CLVS1: variants seen among roughly 807,000 people sequenced by gnomAD.
CLVS1 encodes clavesin 1, also known as clavesin-1.
In CLVS1, 10 loss-of-function variants were observed where a neutral mutation model predicts 33.1. That is an observed-to-expected ratio of 0.30 (90% confidence interval 0.19 to 0.51). The LOEUF is 0.51. CLVS1 is among the 20% of genes least tolerant of loss of function. CLVS1 has a pLI of 0.97. For synonymous variants in CLVS1, 163 were observed against 166.1 expected, an observed-to-expected ratio of 0.98 and a Z score of 0.14; for missense variants, 343 against 433.4, an observed-to-expected ratio of 0.79 and a Z score of 1.85.
chr8:61,121,172 A>G (rs1805858421), intron 1 of CLVS1, among the ~76,000 whole-genome samples: 1 of 151,776 alleles, frequency 6.6e-6, no homozygotes, highest in South Asian at 2.1e-4. Flanking sequence ...TTGACTCGGA[A>G]AGGGAACTCC....
At chr8:61,300,455 G>A in intron 2 of CLVS1, 173 bp downstream of exon 2, 1 of 582,178 alleles carries the variant, frequency 1.7e-6, no homozygotes, top group Non-Finnish European at 3.0e-6. Flanking sequence ...ATTCCAGATG[G>A]AACAATAGAA....
At chr8:61,299,054 A>G (rs909458983) in intron 1 of CLVS1, among the ~76,000 whole-genome samples, 8 of 152,122 alleles carry the variant, frequency 5.3e-5, no homozygotes, top group Admixed American at 2.0e-4. Context: ...GAATTTGATT[A>G]TTGGAGGTCA....
chr8:61,045,946 C>A, the CLVS1 span, among the ~76,000 whole-genome samples: 2 of 152,184 alleles, frequency 1.3e-5, no homozygotes, highest in Non-Finnish European at 2.9e-5. Flanking sequence ...GTTGCCTGTA[C>A]ACTCTGATGG....
chr8:61,256,257 G>C (rs1047285822), intron 2 of CLVS1, among the ~76,000 whole-genome samples: 7 of 152,228 alleles, frequency 4.6e-5, no homozygotes, highest in African/African-American at 1.4e-4. Flanking sequence ...GCTCACGCCT[G>C]TAATCCCAGC....
At chr8:61,288,233 C>G (rs1362515540) in intron 1 of CLVS1, 95 bp downstream of exon 1, 3 of 456,276 alleles carry the variant, frequency 6.6e-6, no homozygotes, top group Non-Finnish European at 1.3e-5. Context: ...TTCAGCACTT[C>G]GGTATGTGGA....
chr8:61,232,472 G>C (rs1404736960), intron 2 of CLVS1, among the ~76,000 whole-genome samples: 1 of 152,124 alleles, frequency 6.6e-6, no homozygotes, highest in Non-Finnish European at 1.5e-5. Flanking sequence ...GGATCTTTTT[G>C]AGTAAGAAAC....
chr8:61,379,740 A>T (rs1813790254), intron 3 of CLVS1, among the ~76,000 whole-genome samples: 1 of 152,198 alleles, frequency 6.6e-6, no homozygotes, highest in Non-Finnish European at 1.5e-5. Flanking sequence ...CTGTTGGGGA[A>T]GCTACTACAG....
At chr8:61,003,036 CT>C in the CLVS1 span, among the ~76,000 whole-genome samples, 473 of 152,290 alleles carry the variant, frequency 3.1e-3, 3 homozygotes, top group African/African-American at 0.011. Flanking sequence ...CTCTCTGCAG[CT>C]CAGAGGTACA....
chr8:61,483,350 G>C (rs963059928), intron 5 of CLVS1, among the ~76,000 whole-genome samples: 11 of 152,250 alleles, frequency 7.2e-5, no homozygotes, highest in African/African-American at 2.4e-4. Flanking sequence ...AGAAGAAATG[G>C]ATAAATTTCT....
intron 1 of CLVS1, among the ~76,000 whole-genome samples, chr8:61,091,919 G>A (rs1284104128): frequency 7.9e-5 from 12 of 152,192 alleles, no homozygotes; most frequent in Non-Finnish European, 1.5e-4. Flanking sequence ...TTCAGGACAA[G>A]TTTGGGCAGA....
intron 5 of CLVS1, chr8:61,465,503 G>T (rs1476538769): frequency 1.3e-5 from 2 of 151,986 alleles, no homozygotes; most frequent in African/African-American, 2.4e-5. Context: ...AATAATGATT[G>T]GTTTAGCTGG....
intron 3 of CLVS1, among the ~76,000 whole-genome samples, chr8:61,444,242 G>A (rs1169986600): frequency 6.6e-6 from 1 of 152,036 alleles, no homozygotes; most frequent in African/African-American, 2.4e-5. Context: ...TCTTATTGCT[G>A]TAACTGGAGC....
the CLVS1 span, among the ~76,000 whole-genome samples, chr8:61,049,714 C>A: frequency 6.6e-6 from 1 of 152,222 alleles, no homozygotes; most frequent in South Asian, 2.1e-4. Context: ...TTTAAAGGAT[C>A]ACTGATGATA....
chr8:61,354,998 A>C (rs1812632042), intron 2 of CLVS1, among the ~76,000 whole-genome samples: 1 of 152,196 alleles, frequency 6.6e-6, no homozygotes, highest in African/African-American at 2.4e-5. Flanking sequence ...CTGAATCTAC[A>C]GTTACCTCAA....
At chr8:60,978,931 A>G in the CLVS1 span, among the ~76,000 whole-genome samples, 2 of 152,146 alleles carry the variant, frequency 1.3e-5, no homozygotes, top group Non-Finnish European at 2.9e-5. Flanking sequence ...ACTGTTTCAG[A>G]ATATCTTCTA....
At chr8:61,168,102 T>A (rs1225854770) in intron 2 of CLVS1, among the ~76,000 whole-genome samples, 1 of 152,162 alleles carries the variant, frequency 6.6e-6, no homozygotes, top group Non-Finnish European at 1.5e-5. Flanking sequence ...CCTCTTGGGG[T>A]TTGGATCGGG....
chr8:61,494,965 G>T (rs1397393769), intron 5 of CLVS1, among the ~76,000 whole-genome samples: 1 of 152,148 alleles, frequency 6.6e-6, no homozygotes, highest in Non-Finnish European at 1.5e-5. Flanking sequence ...AGTTATGTTT[G>T]GTTCCTCGGC....
At chr8:61,210,207 G>A (rs926762580) in intron 2 of CLVS1, among the ~76,000 whole-genome samples, 1 of 152,200 alleles carries the variant, frequency 6.6e-6, no homozygotes, top group Admixed American at 6.5e-5. Context: ...TTAAGGGCTT[G>A]CCCTAATGAC....
the CLVS1 span, among the ~76,000 whole-genome samples, chr8:60,996,070 A>C: frequency 6.6e-6 from 1 of 152,144 alleles, no homozygotes; most frequent in Middle Eastern, 3.2e-3. Context: ...CTAGATGACG[A>C]GTTAGTGGGT....
Sources: gnomAD v4.1 joint callset for allele counts (sites outside exome capture counted in the v4.1 genomes callset) on GRCh38, gnomAD v4.1.1 for gene constraint, MANE v1.5 for transcripts, NCBI Gene and HGNC (gene_info 2026-07-23, HGNC 2026-07-21) for gene names.